Variants in ABTB3 observed in about 807,000 individuals in gnomAD.
The protein encoded by ABTB3 is ankyrin repeat- and BTB/POZ domain-containing protein 3.
At chr12:107,375,917 C>A in the ABTB3 span, among the ~76,000 whole-genome samples, 1 of 152,208 alleles carries the variant, frequency 6.6e-6, no homozygotes, top group Admixed American at 6.5e-5. Context: ...AGGCTGTGTA[C>A]CATCCTGCCT....
chr12:107,377,333 C>T, the ABTB3 span, among the ~76,000 whole-genome samples: 12 of 152,106 alleles, frequency 7.9e-5, no homozygotes, highest in East Asian at 1.4e-3. Context: ...TCCCTCTGTC[C>T]GGTTTTGCTT....
At chr12:107,576,390 G>A in the ABTB3 span, among the ~76,000 whole-genome samples, 1 of 152,188 alleles carries the variant, frequency 6.6e-6, no homozygotes, top group South Asian at 2.1e-4. Context: ...AGATCAAGCT[G>A]CTGGCAGGGT....
chr12:107,469,920 T>TTCTTTC, the ABTB3 span, among the ~76,000 whole-genome samples: 37 of 101,966 alleles, frequency 3.6e-4, 1 homozygote, highest in South Asian at 1.2e-3. Context: ...CTTTCTTTCT[T>TTCTTTC]TCTCTCTCTC....
chr12:107,568,036 T>A, the ABTB3 span, among the ~76,000 whole-genome samples: 1 of 152,158 alleles, frequency 6.6e-6, no homozygotes, highest in Admixed American at 6.5e-5. Context: ...TGTATCCTGG[T>A]CTCTAGGTGA....
At chr12:107,509,277 G>A in the ABTB3 span, among the ~76,000 whole-genome samples, 2 of 152,232 alleles carry the variant, frequency 1.3e-5, no homozygotes, top group Non-Finnish European at 2.9e-5. Context: ...TACATGGAAA[G>A]GGAAGGTTCT....
chr12:107,550,873 G>A, the ABTB3 span, among the ~76,000 whole-genome samples: 18 of 152,052 alleles, frequency 1.2e-4, no homozygotes, highest in East Asian at 1.4e-3. Context: ...GTGAGCCACC[G>A]CACCCAGCCT....
chr12:107,603,748 C>A, the ABTB3 span, among the ~76,000 whole-genome samples: 8 of 152,142 alleles, frequency 5.3e-5, no homozygotes, highest in Non-Finnish European at 8.8e-5. Flanking sequence ...AGGAAACAAT[C>A]AACAGGGTGA....
chr12:107,574,906 A>T, the ABTB3 span, among the ~76,000 whole-genome samples: 1 of 152,162 alleles, frequency 6.6e-6, no homozygotes, highest in Non-Finnish European at 1.5e-5. Context: ...CCTCGTGGGC[A>T]GTTGGACTAT....
At chr12:107,628,193 T>A in the ABTB3 span, among the ~76,000 whole-genome samples, 1 of 151,866 alleles carries the variant, frequency 6.6e-6, no homozygotes, top group African/African-American at 2.4e-5. Flanking sequence ...CAGGCTGGAG[T>A]ACAGTGGGGC....
the ABTB3 span, among the ~76,000 whole-genome samples, chr12:107,405,226 G>A: frequency 3.3e-5 from 5 of 152,154 alleles, no homozygotes; most frequent in South Asian, 2.1e-4. Context: ...TGTGAATGGC[G>A]CCCTCTAGAA....
chr12:107,567,494 C>T, the ABTB3 span, among the ~76,000 whole-genome samples: 8 of 152,182 alleles, frequency 5.3e-5, no homozygotes, highest in Non-Finnish European at 1.0e-4. Context: ...GTTACAGCTG[C>T]CTATAGTATT....
the ABTB3 span, among the ~76,000 whole-genome samples, chr12:107,437,430 T>G: frequency 6.6e-6 from 1 of 150,584 alleles, no homozygotes; most frequent in East Asian, 2.0e-4. Flanking sequence ...GGAGTCTCAC[T>G]CTGTCACCCA....
chr12:107,650,808 G>A, the ABTB3 span: 1 of 152,138 alleles, frequency 6.6e-6, no homozygotes, highest in East Asian at 1.9e-4. Flanking sequence ...CACTGCACAC[G>A]GCTGTTTACA....
chr12:107,633,911 C>G, the ABTB3 span, among the ~76,000 whole-genome samples: 1 of 152,318 alleles, frequency 6.6e-6, no homozygotes, highest in South Asian at 2.1e-4. Context: ...CTAATAAGCT[C>G]CCAGGTGATG....
chr12:107,520,663 T>A, the ABTB3 span: 5 of 1,612,848 alleles, frequency 3.1e-6, no homozygotes, highest in African/African-American at 1.3e-5. Context: ...TCTCCAGCTC[T>A]CATGCCTCAA....
At chr12:107,484,467 G>C in the ABTB3 span, among the ~76,000 whole-genome samples, 1 of 152,340 alleles carries the variant, frequency 6.6e-6, no homozygotes, top group South Asian at 2.1e-4. Flanking sequence ...GGCAGAGTAA[G>C]CCAGGAGGAA....
the ABTB3 span, among the ~76,000 whole-genome samples, chr12:107,643,402 CAAAAAAAA>C: frequency 1.3e-3 from 104 of 79,524 alleles, 2 homozygotes; most frequent in African/African-American, 1.6e-3. Flanking sequence ...GACCCTATCT[CAAAAAAAA>C]AAAAAAAAAA....
chr12:107,506,055 G>A, the ABTB3 span, among the ~76,000 whole-genome samples: 1 of 152,086 alleles, frequency 6.6e-6, no homozygotes, highest in African/African-American at 2.4e-5. Flanking sequence ...CCTAGTAATG[G>A]GATTGCTGAG....
the ABTB3 span, among the ~76,000 whole-genome samples, chr12:107,518,644 C>T: frequency 6.6e-6 from 1 of 151,810 alleles, no homozygotes; most frequent in Non-Finnish European, 1.5e-5. Flanking sequence ...AGGAGATATA[C>T]CTAATGTAAA....
Sources: allele counts gnomAD v4.1 joint callset (sites outside exome capture counted in the v4.1 genomes callset), GRCh38; gene constraint gnomAD v4.1.1; transcripts MANE v1.5; gene names NCBI Gene and HGNC (gene_info 2026-07-23, HGNC 2026-07-21).